NCAM2: variants seen among roughly 807,000 people sequenced by gnomAD.
NCAM2 encodes N-CAM-2.
In NCAM2, 30 loss-of-function variants were observed where a neutral mutation model predicts 98.1. The observed-to-expected ratio is 0.31, with a 90% confidence interval of 0.23 to 0.41. The LOEUF (loss-of-function observed/expected upper bound fraction) is 0.41. Ranked by LOEUF, NCAM2 falls within the 10% of genes least tolerant of loss-of-function variation. The pLI, the probability that NCAM2 is intolerant of heterozygous loss-of-function variation, is 1.00. For missense variants in NCAM2, 867 were observed against 1,005.8 expected (o/e 0.86, Z 1.87); for synonymous variants, 368 against 342.4 (o/e 1.07, Z -0.83).
intron 1 of NCAM2, among the ~76,000 whole-genome samples, chr21:21,044,816 T>A (rs965937710): frequency 3.3e-5 from 5 of 151,526 alleles, no homozygotes; most frequent in African/African-American, 7.3e-5. Flanking sequence ...AATAAAAAAA[T>A]TTGTTGGGCA....
intron 11 of NCAM2, among the ~76,000 whole-genome samples, chr21:21,431,262 A>C (rs2146024763): frequency 6.6e-6 from 1 of 151,652 alleles, no homozygotes; most frequent in East Asian, 1.9e-4. Flanking sequence ...AATTAATGTT[A>C]ATGTGTCTCT....
chr21:21,011,954 TTGTC>T (rs1173126902), intron 1 of NCAM2, among the ~76,000 whole-genome samples: 1 of 152,058 alleles, frequency 6.6e-6, no homozygotes, highest in Non-Finnish European at 1.5e-5. Context: ...ACCTGGTAGA[TTGTC>T]TGTTATAAAA....
intron 1 of NCAM2, among the ~76,000 whole-genome samples, chr21:21,266,846 T>G (rs1438271227): frequency 6.6e-6 from 1 of 152,128 alleles, no homozygotes; most frequent in African/African-American, 2.4e-5. Context: ...GTTGTGCACA[T>G]GTACCCTAGA....
At chr21:21,330,568 T>C (rs925217212) in intron 6 of NCAM2, among the ~76,000 whole-genome samples, 32 of 152,250 alleles carry the variant, frequency 2.1e-4, no homozygotes, top group African/African-American at 7.5e-4. Flanking sequence ...TATTATTGTA[T>C]GGAGAAATCC....
intron 8 of NCAM2, among the ~76,000 whole-genome samples, chr21:21,371,132 A>G (rs2075905452): frequency 6.6e-6 from 1 of 151,860 alleles, no homozygotes; most frequent in South Asian, 2.1e-4. Context: ...CAGAGGAAAG[A>G]ACATTATTGC....
intron 1 of NCAM2, among the ~76,000 whole-genome samples, chr21:21,070,852 T>A (rs1412710672): frequency 6.6e-6 from 1 of 152,164 alleles, no homozygotes; most frequent in East Asian, 1.9e-4. Flanking sequence ...GGCTATCCAA[T>A]AAATATTGTG....
Position 21,096,539 on chromosome 21 carries a change from T to G in NCAM2, c.55+97921T>G, listed in dbSNP as rs929686375. Among the ~76,000 whole-genome samples, 24 of 151,920 alleles carry G rather than the reference T, an allele frequency of 1.6e-4. No homozygotes were observed. The East Asian group carries it at 4.6e-3, about 29-fold the overall frequency. On this transcript the variant is annotated intron_variant, in intron 1 of 17. Coordinates refer to ENST00000400546, the MANE Select transcript of NCAM2 (RefSeq NM_004540.5). ...ACATTAGAAATATTGAGAATTAAAA[T>G]GTTTTTTTCTCTGTAAAATTCTTAT...
At chr21:21,115,957 T>TTG (rs58824475) in intron 1 of NCAM2, among the ~76,000 whole-genome samples, 9,090 of 147,132 alleles carry the variant, frequency 0.062, 292 homozygotes, top group Middle Eastern at 0.14. Flanking sequence ...CTCTGAGATT[T>TTG]TGTGTGTGTG....
intron 15 of NCAM2, among the ~76,000 whole-genome samples, chr21:21,489,730 T>G (rs187527892): frequency 6.6e-6 from 1 of 152,254 alleles, no homozygotes; most frequent in East Asian, 1.9e-4. Flanking sequence ...CAAATTAATC[T>G]CATAAATAGT....
At chr21:21,264,607 A>G (rs80228381) in intron 1 of NCAM2, among the ~76,000 whole-genome samples, 2,139 of 151,458 alleles carry the variant, frequency 0.014, 44 homozygotes, top group African/African-American at 0.048. Flanking sequence ...GTGTCAATCA[A>G]TGTTGGATTA....
chr21:21,205,643 A>C (rs1272632644), intron 1 of NCAM2, among the ~76,000 whole-genome samples: 2 of 152,078 alleles, frequency 1.3e-5, no homozygotes, highest in South Asian at 4.1e-4. Flanking sequence ...AATTTTTTTT[A>C]AGGAAAAACT....
intron 1 of NCAM2, among the ~76,000 whole-genome samples, chr21:21,230,236 G>T (rs923113420): frequency 1.8e-4 from 27 of 151,122 alleles, no homozygotes; most frequent in Middle Eastern, 3.4e-3. Flanking sequence ...ATTAAAAATG[G>T]AAAGAAGCAA....
At chr21:21,253,966 G>A (rs2071566269) in intron 1 of NCAM2, among the ~76,000 whole-genome samples, 1 of 151,684 alleles carries the variant, frequency 6.6e-6, no homozygotes, top group Admixed American at 6.6e-5. Flanking sequence ...AAATGCAGAG[G>A]GATTATAAAA....
At chr21:21,455,290 A>T (rs1208791875) in intron 12 of NCAM2, among the ~76,000 whole-genome samples, 2 of 149,872 alleles carry the variant, frequency 1.3e-5, no homozygotes, top group East Asian at 2.0e-4. Context: ...ATCAAAAGTT[A>T]TTGGAATAAT....
At chr21:21,052,125 A>G (rs1029605671) in intron 1 of NCAM2, among the ~76,000 whole-genome samples, 1 of 148,962 alleles carries the variant, frequency 6.7e-6, no homozygotes, top group South Asian at 2.1e-4. Flanking sequence ...AAGCTGTATC[A>G]TGAGAACTCA....
chr21:21,266,578 G>A (rs1391849276), intron 1 of NCAM2, among the ~76,000 whole-genome samples: 1 of 152,048 alleles, frequency 6.6e-6, no homozygotes, highest in African/African-American at 2.4e-5. Flanking sequence ...GTAGGGACAT[G>A]GATGAAGCTG....
intron 15 of NCAM2, among the ~76,000 whole-genome samples, chr21:21,507,267 A>G (rs111435135): frequency 3.3e-5 from 5 of 152,218 alleles, no homozygotes; most frequent in African/African-American, 7.2e-5. Flanking sequence ...TTGGATCACT[A>G]TTTCTTCAAG....
Position 21,383,632 on chromosome 21 carries a change from AT to A in NCAM2, c.1195+9621del, listed in dbSNP as rs1368393792. Among the ~76,000 whole-genome samples the A allele has an allele frequency of 3.3e-5, 5 of 152,138 alleles. No homozygotes were observed. In the South Asian group the frequency reaches 1.0e-3, roughly 32 times the overall value. On this transcript the variant is annotated intron_variant, in intron 9 of 17. Coordinates refer to ENST00000400546, the MANE Select transcript of NCAM2 (RefSeq NM_004540.5). ...TTTCATATTATTTTCAGAGTTCTAA[AT>A]TCTTATTAGTAGTGAAGATGTACTA...
At chr21:21,465,538 A>G (rs1468480551) in intron 12 of NCAM2, among the ~76,000 whole-genome samples, 1 of 110,402 alleles carries the variant, frequency 9.1e-6, no homozygotes, top group Non-Finnish European at 2.0e-5. Flanking sequence ...AGAATATGTT[A>G]TCTAGTAAAT....
Sources: allele counts gnomAD v4.1 joint callset (sites outside exome capture counted in the v4.1 genomes callset), GRCh38; gene constraint gnomAD v4.1.1; transcripts MANE v1.5; gene names NCBI Gene and HGNC (gene_info 2026-07-23, HGNC 2026-07-21).